The following GNB1 variants were observed in gnomAD, a reference collection of about 807,000 sequenced individuals.
The protein encoded by GNB1 is G protein subunit beta 1.
Under a neutral mutation model 42.9 loss-of-function variants are expected in GNB1, and 2 were observed. The ratio of observed to expected loss-of-function variants is 0.05; its 90% CI spans 0.02 to 0.15. GNB1 has a LOEUF of 0.15. Among genes scored for constraint, GNB1 ranks in the 10% least tolerant of loss-of-function variants. GNB1 has a pLI of 1.00. For synonymous variants in GNB1, 183 were observed against 174.7 expected, an observed-to-expected ratio of 1.05 and a Z score of -0.38; for missense variants, 193 against 462.2, an observed-to-expected ratio of 0.42 and a Z score of 5.34.
chr1:1,848,356 GCAAAAA>G (rs1647789815), intron 1 of GNB1, among the ~76,000 whole-genome samples: 4 of 87,066 alleles, frequency 4.6e-5, no homozygotes, highest in African/African-American at 1.4e-4. Flanking sequence ...TCCAGCCCAG[GCAAAAA>G]AAAAAAAAAA....
intron 2 of GNB1, among the ~76,000 whole-genome samples, chr1:1,825,987 G>GATT (rs1480983972): frequency 6.6e-6 from 1 of 152,080 alleles, no homozygotes; most frequent in African/African-American, 2.4e-5. Flanking sequence ...ATATAATTAT[G>GATT]ATTATTTATT....
chr1:1,864,341 A>G (rs1168657881), intron 1 of GNB1, among the ~76,000 whole-genome samples: 1 of 146,470 alleles, frequency 6.8e-6, no homozygotes, highest in African/African-American at 2.5e-5. Context: ...AAAAAAGAAG[A>G]AAACCCCACG....
At chr1:1,806,399 T>C (rs1160840404) in intron 6 of GNB1, 76 bp downstream of exon 6, 1 of 898,480 alleles carries the variant, frequency 1.1e-6, no homozygotes, top group Non-Finnish European at 1.8e-6. Flanking sequence ...TTACGTGATT[T>C]AACAAAATGA....
At chr1:1,826,624 T>C (rs1647003183) in intron 2 of GNB1, among the ~76,000 whole-genome samples, 1 of 152,060 alleles carries the variant, frequency 6.6e-6, no homozygotes, top group Admixed American at 6.6e-5. Flanking sequence ...CCAGCAGTTT[T>C]TTGGCTCAGG....
chr1:1,880,486 G>C (rs2101878341), intron 1 of GNB1, among the ~76,000 whole-genome samples: 1 of 152,142 alleles, frequency 6.6e-6, no homozygotes, highest in East Asian at 1.9e-4. Context: ...TACTCGGAGA[G>C]GCCGAGGCAG....
intron 8 of GNB1, among the ~76,000 whole-genome samples, chr1:1,792,511 A>G (rs960840160): frequency 6.6e-5 from 10 of 151,970 alleles, no homozygotes; most frequent in Non-Finnish European, 1.0e-4. Context: ...ATCCTGGCCA[A>G]CGTGGTGAAA....
rs1646448998 is a variant in GNB1, at chr1:1,789,293, ACAT to A, written c.700-27_700-25del. 3.7e-6 allele frequency: 5 copies of A among 1,333,612 alleles called. No homozygotes were observed. In the South Asian group the frequency reaches 5.9e-5, roughly 16 times the overall value. 82.6% of individuals were successfully genotyped at this position (1,333,612 alleles called of 1,614,324 possible). On this transcript the variant is annotated intron_variant, in intron 9 of 11. Transcript: ENST00000378609. Reference sequence around the variant, plus strand: ...AACTGGAAAGAGAAAGCAAATCAAGACATCATGTAAACGCTCAGAAAGAAACAT... The same window carrying A: ...AACTGGAAAGAGAAAGCAAATCAAGACATGTAAACGCTCAGAAAGAAACAT...
At chr1:1,843,629 TG>T (rs1239639261) in intron 1 of GNB1, among the ~76,000 whole-genome samples, 1 of 152,136 alleles carries the variant, frequency 6.6e-6, no homozygotes, top group Non-Finnish European at 1.5e-5. Context: ...TGGATTCACA[TG>T]GAGAGTTGTC....
chr1:1,840,806 G>C (rs548187337), intron 1 of GNB1, among the ~76,000 whole-genome samples: 2 of 152,354 alleles, frequency 1.3e-5, no homozygotes, highest in Admixed American at 1.3e-4. Flanking sequence ...GAGATCACAA[G>C]AGAGGTTTCT....
At chr1:1,851,781 C>T (rs146436410) in intron 1 of GNB1, among the ~76,000 whole-genome samples, 1,749 of 152,154 alleles carry the variant, frequency 0.011, 32 homozygotes, top group African/African-American at 0.04. Context: ...CAGCGGCTCA[C>T]GCCTATAATC....
chr1:1,880,460 T>A (rs1405028602), intron 1 of GNB1, among the ~76,000 whole-genome samples: 2 of 150,976 alleles, frequency 1.3e-5, no homozygotes, highest in African/African-American at 2.4e-5. Flanking sequence ...TGGTGGGGGG[T>A]GCCTGTAGTC....
chr1:1,862,845 G>A (rs555025297), intron 1 of GNB1, among the ~76,000 whole-genome samples: 2 of 152,294 alleles, frequency 1.3e-5, no homozygotes, highest in East Asian at 1.9e-4. Flanking sequence ...GGTATTACAC[G>A]TAGGCATCAC....
chr1:1,795,302 C>T (rs923213375), intron 7 of GNB1, among the ~76,000 whole-genome samples: 2 of 152,172 alleles, frequency 1.3e-5, no homozygotes, highest in Non-Finnish European at 1.5e-5. Context: ...AGGGAAGCAC[C>T]CCCACCCCGT....
At chr1:1,861,942 T>G (rs977762535) in intron 1 of GNB1, among the ~76,000 whole-genome samples, 1 of 152,134 alleles carries the variant, frequency 6.6e-6, no homozygotes, top group African/African-American at 2.4e-5. Context: ...GGCTCACGCC[T>G]GTAATCCCAG....
At chr1:1,885,572 T>G (rs1477868215) in intron 1 of GNB1, among the ~76,000 whole-genome samples, 10 of 80,156 alleles carry the variant, frequency 1.2e-4, no homozygotes, top group Non-Finnish European at 2.3e-4. Context: ...TTTTTTTTTT[T>G]GTGAAACGGA....
chr1:1,843,924 G>A (rs970379630), intron 1 of GNB1, among the ~76,000 whole-genome samples: 3 of 151,770 alleles, frequency 2.0e-5, no homozygotes, highest in Admixed American at 6.6e-5. Context: ...GGCCGGGTGC[G>A]GTGGCTCATT....
intron 2 of GNB1, among the ~76,000 whole-genome samples, chr1:1,833,138 G>C (rs959001774): frequency 5.9e-5 from 9 of 152,138 alleles, no homozygotes; most frequent in Non-Finnish European, 1.2e-4. Flanking sequence ...CTGGATGGCT[G>C]CATCTCTGGA....
intron 1 of GNB1, among the ~76,000 whole-genome samples, chr1:1,848,340 T>G (rs1303785048): frequency 7.1e-6 from 1 of 140,106 alleles, no homozygotes; most frequent in Non-Finnish European, 1.5e-5. Context: ...GACTGAGCCA[T>G]TGCACTCCAG....
At chr1:1,831,108 T>G (rs536610205) in intron 2 of GNB1, among the ~76,000 whole-genome samples, 1 of 152,238 alleles carries the variant, frequency 6.6e-6, no homozygotes, top group South Asian at 2.1e-4. Context: ...GAGGCTGCAG[T>G]GAGCAGAGAT....
Sources: gnomAD v4.1 joint callset for allele counts (sites outside exome capture counted in the v4.1 genomes callset) on GRCh38, gnomAD v4.1.1 for gene constraint, MANE v1.5 for transcripts, NCBI Gene and HGNC (gene_info 2026-07-23, HGNC 2026-07-21) for gene names.